Variants in NEBL observed in about 807,000 individuals in gnomAD.
NEBL encodes LIM and SH3 protein 2.
Under a neutral mutation model 140.2 loss-of-function variants are expected in NEBL, and 122 were observed. The observed-to-expected ratio is 0.87, with a 90% confidence interval of 0.75 to 1.01. NEBL has a LOEUF of 1.01. Ranked by LOEUF, NEBL falls within the 50% of genes least tolerant of loss-of-function variation. NEBL has a pLI of 0.00. For synonymous variants in NEBL, 436 were observed against 398.9 expected (o/e 1.09, Z -1.11); for missense variants, 1,365 against 1,231.3 (o/e 1.11, Z -1.62).
intron 2 of NEBL, among the ~76,000 whole-genome samples, chr10:21,104,327 C>T (rs1302831092): frequency 6.6e-6 from 1 of 152,184 alleles, no homozygotes; most frequent in Non-Finnish European, 1.5e-5. Context: ...TTGGGGAGAA[C>T]TGATATCTTA....
At chr10:20,881,990 C>T (rs532112677) in intron 4 of NEBL, among the ~76,000 whole-genome samples, 74 of 152,240 alleles carry the variant, frequency 4.9e-4, no homozygotes, top group Admixed American at 1.8e-3. Flanking sequence ...GACTTGCTCA[C>T]GACAAAGTGA....
chr10:21,285,128 G>A (rs1374140428), intron 1 of NEBL, among the ~76,000 whole-genome samples: 1 of 152,182 alleles, frequency 6.6e-6, no homozygotes, highest in Non-Finnish European at 1.5e-5. Flanking sequence ...AGTTTGCATT[G>A]TGGAAAGGAC....
At chr10:20,977,664 C>T (rs954380585) in intron 3 of NEBL, among the ~76,000 whole-genome samples, 3 of 152,112 alleles carry the variant, frequency 2.0e-5, no homozygotes, top group Non-Finnish European at 2.9e-5. Context: ...CAAAAGACCC[C>T]GCACTGGGGT....
At chr10:20,937,539 A>C (rs1834559058) in intron 4 of NEBL, among the ~76,000 whole-genome samples, 2 of 152,136 alleles carry the variant, frequency 1.3e-5, no homozygotes. Flanking sequence ...TGATTTCTGC[A>C]TTTCCAACTG....
intron 2 of NEBL, among the ~76,000 whole-genome samples, chr10:21,120,186 G>A (rs922705120): frequency 2.0e-4 from 30 of 151,268 alleles, no homozygotes; most frequent in African/African-American, 6.6e-4. Context: ...CCTGGCCTGG[G>A]CAATATAGGG....
At chr10:21,087,434 A>G (rs192481491) in intron 2 of NEBL, among the ~76,000 whole-genome samples, 8 of 152,240 alleles carry the variant, frequency 5.3e-5, no homozygotes, top group Admixed American at 5.2e-4. Flanking sequence ...GTTGATATGT[A>G]CAGAATGCCA....
At chr10:21,270,889 C>CA (rs1842852971) in intron 1 of NEBL, among the ~76,000 whole-genome samples, 1 of 152,148 alleles carries the variant, frequency 6.6e-6, no homozygotes, top group African/African-American at 2.4e-5. Flanking sequence ...AATTTGGGGA[C>CA]AAAATCCCAG....
chr10:20,886,187 A>AT (rs200672631), intron 4 of NEBL, among the ~76,000 whole-genome samples: 2 of 152,018 alleles, frequency 1.3e-5, no homozygotes, highest in African/African-American at 2.4e-5. Flanking sequence ...CTTAAAAAAA[A>AT]TTTTTTTTAA....
intron 2 of NEBL, among the ~76,000 whole-genome samples, chr10:21,163,395 A>G (rs1238968786): frequency 1.3e-5 from 2 of 152,182 alleles, no homozygotes; most frequent in African/African-American, 2.4e-5. Context: ...TCAAAAATAC[A>G]TCTACTTATA....
intron 2 of NEBL, among the ~76,000 whole-genome samples, chr10:21,061,212 T>G (rs1427443408): frequency 7.1e-6 from 1 of 141,076 alleles, no homozygotes; most frequent in East Asian, 2.2e-4. Context: ...TCATATAATA[T>G]AGAGAGATGT....
chr10:20,812,818 C>A lies in NEBL; in HGVS notation c.2469G>T (p.Gly823=), dbSNP rs1838297723. 1.2e-6 allele frequency: 2 copies of A among 1,613,834 alleles called. No homozygotes were observed. Among genetic ancestry groups the A allele is most frequent in the East Asian group, 2.2e-5 (1 of 44,848 alleles). The change falls in exon 24 of 28, where the codon GGG becomes GGT. Residue 823 remains glycine (G), a synonymous_variant. Coordinates refer to ENST00000377122, the MANE Select transcript of NEBL (RefSeq NM_006393.3). The part of the protein sequence containing the change: ...TQVVSDAAYK[G]VHPHIVEMDR... ...CCATCTCCACGATGTGAGGGTGGAC[C>A]CCTTTATAGGCAGCATCGCTGACCA...
chr10:21,231,616 T>C (rs1487671044), intron 3 of NEBL, among the ~76,000 whole-genome samples: 1 of 151,098 alleles, frequency 6.6e-6, no homozygotes, highest in Non-Finnish European at 1.5e-5. Flanking sequence ...AAGGGAACAG[T>C]ATTACAGTCA....
chr10:21,224,167 A>G (rs2132247778), intron 3 of NEBL, among the ~76,000 whole-genome samples: 1 of 152,252 alleles, frequency 6.6e-6, no homozygotes, highest in East Asian at 1.9e-4. Context: ...TAAGTTTTTA[A>G]TCCATTTTGA....
At position 20,840,858 on chromosome 10, in the gene NEBL, C is replaced by T. The variant is rs778575758; in HGVS notation, c.1228-9G>A. The T allele has an allele frequency of 2.1e-6, 3 of 1,452,650 alleles. No homozygotes were observed. The African/African-American group carries it at 4.2e-5, about 20-fold the overall frequency. The allele number at this position is 1,452,650 out of a possible 1,614,324, so 90.0% of individuals were successfully genotyped here. A position where few individuals can be genotyped will look rare whatever the true frequency, so the allele number is the denominator to read the frequency against. Reference sequence around the variant, plus strand: ...TCTTTTTTATATTCTTTCTATGAGACAAGAATATCACAGTTCAAAACTTAG... The same window carrying T: ...TCTTTTTTATATTCTTTCTATGAGATAAGAATATCACAGTTCAAAACTTAG... On this transcript the variant is annotated splice_polypyrimidine_tract_variant and intron_variant, in intron 12 of 27. Coordinates refer to ENST00000377122, the MANE Select transcript of NEBL (RefSeq NM_006393.3).
At chr10:21,050,681 T>A (rs1834736991) in intron 2 of NEBL, among the ~76,000 whole-genome samples, 1 of 152,184 alleles carries the variant, frequency 6.6e-6, no homozygotes, top group Non-Finnish European at 1.5e-5. Flanking sequence ...ATCTGACAGG[T>A]GTTTTCCAGG....
chr10:21,008,826 G>A (rs1354987909), intron 3 of NEBL, among the ~76,000 whole-genome samples: 1 of 151,962 alleles, frequency 6.6e-6, no homozygotes, highest in Non-Finnish European at 1.5e-5. Flanking sequence ...ATCCACTAGG[G>A]TTCTTGGAAC....
At chr10:21,234,308 G>A (rs938457614) in intron 3 of NEBL, among the ~76,000 whole-genome samples, 2 of 152,084 alleles carry the variant, frequency 1.3e-5, no homozygotes, top group Admixed American at 6.6e-5. Flanking sequence ...GATCCCTTAT[G>A]AACAGCTTGG....
rs571152670 is a variant in NEBL at position 21,007,780 on chromosome 10, A to G, written c.249+12337T>C. 5.3e-5 allele frequency among the ~76,000 whole-genome samples: 8 copies of G among 152,370 alleles called. No homozygotes were observed. The East Asian group carries it at 5.8e-4, about 11-fold the overall frequency. ...CTCTTGAATTACATCTGTGCTTGTT[A>G]TATAGTAGAATGAGTGATCTATCCT... On this transcript the variant is annotated intron_variant, in intron 3 of 6. Transcript: ENST00000417816.
At chr10:20,992,049 C>G (rs1051366488) in intron 3 of NEBL, among the ~76,000 whole-genome samples, 6 of 152,086 alleles carry the variant, frequency 3.9e-5, no homozygotes, top group African/African-American at 1.4e-4. Flanking sequence ...CATGTCTTTG[C>G]CATTGGGAAT....
Sources: gnomAD v4.1 joint callset for allele counts (sites outside exome capture counted in the v4.1 genomes callset) on GRCh38, gnomAD v4.1.1 for gene constraint, MANE v1.5 for transcripts, NCBI Gene and HGNC (gene_info 2026-07-23, HGNC 2026-07-21) for gene names.